SUB1: variants seen among roughly 807,000 people sequenced by gnomAD.
SUB1 encodes activated RNA polymerase II transcriptional coactivator p15.
Under a neutral mutation model 16.9 loss-of-function variants are expected in SUB1, and 1 was observed. That is an observed-to-expected ratio of 0.06 (90% CI 0.02 to 0.28). SUB1 has a LOEUF of 0.28. Among genes scored for constraint, SUB1 ranks in the 10% least tolerant of loss-of-function variants. The pLI is 1.00. For synonymous variants in SUB1, 51 were observed against 46.9 expected (o/e 1.09, Z -0.36); for missense variants, 84 against 145.2 (o/e 0.58, Z 2.16).
intron 3 of SUB1, chr5:32,595,451 G>C (rs879737966): frequency 6.6e-6 from 1 of 152,100 alleles, no homozygotes; most frequent in Non-Finnish European, 1.5e-5. Flanking sequence ...TTTGTGTCTG[G>C]CTTTTGCTCA....
chr5:32,589,958 A>G (rs770799713), intron 2 of SUB1, among the ~76,000 whole-genome samples: 16 of 152,146 alleles, frequency 1.1e-4, no homozygotes, highest in Non-Finnish European at 2.1e-4. Context: ...ATAGAATATA[A>G]CAACACATGG....
chr5:32,600,936 A>T, intron 4 of SUB1, 69 bp from the exon 5 acceptor site: 1 of 1,400,378 alleles, frequency 7.1e-7, no homozygotes, highest in Non-Finnish European at 1.0e-6. Flanking sequence ...ACAGTATTCT[A>T]GTTGGAAGTA....
At chr5:32,600,014 C>G (rs934425243) in intron 4 of SUB1, among the ~76,000 whole-genome samples, 1 of 152,116 alleles carries the variant, frequency 6.6e-6, no homozygotes, top group Non-Finnish European at 1.5e-5. Flanking sequence ...ATTTTTTAAC[C>G]ATTTATGTGT....
At chr5:32,593,716 C>T (rs111322329) in intron 3 of SUB1, among the ~76,000 whole-genome samples, 154 of 150,286 alleles carry the variant, frequency 1.0e-3, no homozygotes, top group African/African-American at 3.4e-3. Context: ...TTTTTTGAGA[C>T]GGAGTCTCGC....
rs1738828097 is a variant in SUB1, at chr5:32,591,635, C to T, written c.145C>T (p.Leu49=). The T allele has an allele frequency of 6.2e-7, 1 of 1,609,292 alleles. No homozygotes were observed. Among genetic ancestry groups the T allele is most frequent in the African/African-American group, 1.3e-5 (1 of 74,396 alleles). Residue 49 remains leucine (L), a synonymous_variant, in exon 3 of 5, where the codon CTG becomes TTG. Transcript: ENST00000265073. ...AAAGACAGGTGAGACTTCGAGAGCC[C>T]TGTCATCTTCTAAACAGAGCAGCAG... is the stretch of plus-strand genomic sequence containing the variant. The part of the protein sequence containing the change: ...KQKTGETSRA[L]SSSKQSSSSR...
rs972721854 is a variant in SUB1 at position 32,602,624 on chromosome 5, C to G, written c.*1540C>G. 6.2e-6 allele frequency: 1 copy of G among 161,486 alleles called. No individual in the cohort carries two copies. The highest frequency in any genetic ancestry group is 2.4e-5 in the African/African-American group (1 of 41,126). 10.0% of individuals were successfully genotyped at this position (161,486 alleles called of 1,614,324 possible). The stretch of plus-strand genomic sequence containing the variant: ...GCCACATAGTTATCAATTTTTTTTT[C>G]TATCAGCTATTCTGTTGTATTTCTA... On this transcript the variant is annotated 3_prime_UTR_variant, in exon 5 of 5. Coordinates refer to ENST00000265073, the MANE Select transcript of SUB1 (RefSeq NM_006713.4).
At chr5:32,585,955 G>T (rs1394443091) in intron 1 of SUB1, 9 of 152,586 alleles carry the variant, frequency 5.9e-5, no homozygotes, top group Non-Finnish European at 1.5e-5. Context: ...GGGACAATGC[G>T]GCGGCGGCCT....
chr5:32,591,629 A>G lies in SUB1; in HGVS notation c.139A>G (p.Arg47Gly). 1 of 1,611,100 alleles carries G rather than the reference A, an allele frequency of 6.2e-7. No homozygotes were observed. Among genetic ancestry groups the G allele is most frequent in the African/African-American group, 1.3e-5 (1 of 74,772 alleles). Residue 47 changes from arginine (R) to glycine (G), a missense_variant, in exon 3 of 5, where the codon AGA becomes GGA. By Grantham distance (125) the Arg-to-Gly change is moderately radical (BLOSUM62 -2). This residue lies in a region of SUB1 where 60 missense variants were observed against 64.9 expected (regional missense o/e 0.92). Transcript: ENST00000265073. ...GAAACAAAAGACAGGTGAGACTTCG[A>G]GAGCCCTGTCATCTTCTAAACAGAG... ...VKKQKTGETS[R>G]ALSSSKQSSS... is the part of the protein sequence containing the mutation.
rs1303679925 is a variant in SUB1, at chr5:32,602,120, A to G, written c.*1036A>G. ...GCCTTTGCCCCAGTAGAACAGACCA[A>G]TGGCATTCTAGACTTGATGATACTA... is the stretch of plus-strand genomic sequence containing the variant. On this transcript the variant is annotated 3_prime_UTR_variant, in exon 5 of 5. Coordinates refer to ENST00000265073, the MANE Select transcript of SUB1 (RefSeq NM_006713.4). 2.1e-5 allele frequency: 9 copies of G among 426,184 alleles called. No homozygotes were observed. The highest frequency in any genetic ancestry group is 1.4e-4 in the Admixed American group (5 of 36,764). The allele number at this position is 426,184 out of a possible 1,614,324, so 26.4% of individuals were successfully genotyped here.
chr5:32,599,659 T>G (rs576929929), intron 4 of SUB1, among the ~76,000 whole-genome samples: 20 of 152,216 alleles, frequency 1.3e-4, no homozygotes, highest in Non-Finnish European at 2.5e-4. Flanking sequence ...TTATTCTGCC[T>G]GCCTGTTAGT....
chr5:32,602,335 T>C lies in SUB1; in HGVS notation c.*1251T>C, dbSNP rs1188016310. On this transcript the variant is annotated 3_prime_UTR_variant, in exon 5 of 5. Coordinates refer to ENST00000265073, the MANE Select transcript of SUB1 (RefSeq NM_006713.4). Reference sequence around the variant, plus strand: ...GTGAAGAGGAAATAATTCTCTTCTATCTAAATGATATACATATGATATTTT... The same window carrying C: ...GTGAAGAGGAAATAATTCTCTTCTACCTAAATGATATACATATGATATTTT... 2.5e-6 allele frequency: 1 copy of C among 407,582 alleles called. No homozygotes were observed. Among genetic ancestry groups the C allele is most frequent in the Non-Finnish European group, 4.8e-6 (1 of 206,934 alleles). The allele number at this position is 407,582 out of a possible 1,614,324, so 25.2% of individuals were successfully genotyped here.
At position 32,601,336 on chromosome 5, in the gene SUB1, G is replaced by C; in HGVS notation, c.*252G>C. ...AAAATCAAGTAATACAATCTTAACTGTTGTGGCCTTTTTTGATCATAAGAG... is the reference window on the plus strand; with the variant it reads ...AAAATCAAGTAATACAATCTTAACTCTTGTGGCCTTTTTTGATCATAAGAG... On this transcript the variant is annotated 3_prime_UTR_variant, in exon 5 of 5. Transcript: ENST00000265073. 2.6e-6 allele frequency: 1 copy of C among 388,784 alleles called. No individual in the cohort carries two copies. Among genetic ancestry groups the C allele is most frequent in the Non-Finnish European group, 4.6e-6 (1 of 216,708 alleles). The allele number at this position is 388,784 out of a possible 1,614,324, so 24.1% of individuals were successfully genotyped here.
At chr5:32,588,442 T>G in intron 1 of SUB1, 70 bp from the exon 2 acceptor site, 10 of 1,354,816 alleles carry the variant, frequency 7.4e-6, no homozygotes, top group Non-Finnish European at 1.0e-5. Flanking sequence ...TTTTCTTTGA[T>G]TGGGGGAGAG....
chr5:32,596,185 T>A (rs995401441), intron 3 of SUB1: 1 of 152,170 alleles, frequency 6.6e-6, no homozygotes, highest in Non-Finnish European at 1.5e-5. Context: ...GTCAGGGGCG[T>A]CTGTGACAGA....
intron 1 of SUB1, 27 bp downstream of exon 1, chr5:32,585,652 A>T (rs867220226): frequency 6.7e-6 from 1 of 149,408 alleles, no homozygotes; most frequent in African/African-American, 2.5e-5. Flanking sequence ...CCCTACCCCT[A>T]CTCCTCGGGG....
chr5:32,590,762 A>ATTTTTTTTTTT (rs70961652), intron 2 of SUB1, among the ~76,000 whole-genome samples: 10,582 of 33,870 alleles, frequency 0.31, 4,251 homozygotes, highest in Non-Finnish European at 0.45. Flanking sequence ...CGCCTGGCTA[A>ATTTTTTTTTTT]TTTTTTTTTT....
intron 1 of SUB1, among the ~76,000 whole-genome samples, chr5:32,588,294 T>C (rs1738725503): frequency 6.6e-6 from 1 of 152,202 alleles, no homozygotes; most frequent in South Asian, 2.1e-4. Context: ...ATTTAGTTCA[T>C]TGTTCTTACT....
Position 32,601,639 on chromosome 5 carries a change from A to T in SUB1, c.*555A>T, listed in dbSNP as rs1213488469. 3 of 152,752 alleles carry T rather than the reference A, an allele frequency of 2.0e-5. No individual in the cohort carries two copies. The highest frequency in any genetic ancestry group is 2.9e-5 in the Non-Finnish European group (2 of 68,538). 9.5% of individuals were successfully genotyped at this position (152,752 alleles called of 1,614,324 possible). A position where few individuals can be genotyped will look rare whatever the true frequency, so the allele number is the denominator to read the frequency against. ...CTTTATTCTTTTCTTTGATTATGGTATGCTTATTTGGAAAGTCAGTGAAAC... is the reference window on the plus strand; with the variant it reads ...CTTTATTCTTTTCTTTGATTATGGTTTGCTTATTTGGAAAGTCAGTGAAAC... On this transcript the variant is annotated 3_prime_UTR_variant, in exon 5 of 5. Transcript: ENST00000265073.
intron 2 of SUB1, among the ~76,000 whole-genome samples, 195 bp downstream of exon 2, chr5:32,588,779 C>T (rs1185528181): frequency 1.3e-5 from 2 of 151,940 alleles, no homozygotes; most frequent in African/African-American, 2.4e-5. Flanking sequence ...CAAGACCAAC[C>T]AGGCTAACAT....
Sources: gnomAD v4.1 joint callset for allele counts (sites outside exome capture counted in the v4.1 genomes callset) on GRCh38, gnomAD v4.1.1 for gene constraint, gnomAD v4.1.1 regional missense constraint, MANE v1.5 for transcripts, NCBI Gene and HGNC (gene_info 2026-07-23, HGNC 2026-07-21) for gene names.